SAMSN1: variants seen among roughly 807,000 people sequenced by gnomAD.
The protein encoded by SAMSN1 is SAM domain-containing protein SAMSN-1.
In SAMSN1, 31 loss-of-function variants were observed where a neutral mutation model predicts 42.0. That is an observed-to-expected ratio of 0.74 (90% CI 0.55 to 1.00). The LOEUF is 1.00. Among genes scored for constraint, SAMSN1 ranks in the 50% least tolerant of loss-of-function variants. SAMSN1 has a pLI of 0.00. For synonymous variants in SAMSN1, 178 were observed against 151.9 expected, an observed-to-expected ratio of 1.17 and a Z score of -1.26; for missense variants, 464 against 439.4, an observed-to-expected ratio of 1.06 and a Z score of -0.50.
At chr21:14,503,880 C>T (rs112741771) in intron 5 of SAMSN1, among the ~76,000 whole-genome samples, 3 of 152,134 alleles carry the variant, frequency 2.0e-5, no homozygotes, top group Admixed American at 6.5e-5. Flanking sequence ...ATCTAAATAC[C>T]GTGCTGGCAT....
In SAMSN1 at chr21:14,551,994, G is replaced by A. The variant is rs79861870; in HGVS notation, c.261+30142C>T. 5.3e-5 allele frequency among the ~76,000 whole-genome samples: 8 copies of A among 152,218 alleles called. No homozygotes were observed. The East Asian group carries it at 9.6e-4, about 18-fold the overall frequency. On this transcript the variant is annotated intron_variant, in intron 2 of 8. Coordinates refer to the SAMSN1 transcript ENST00000285670. ...ACTGTTCGGGTCAGGAATGCTAAGG[G>A]CTAGGGGGAGGGTAATGTTGAGTTG...
intron 2 of SAMSN1, among the ~76,000 whole-genome samples, chr21:14,520,652 C>T (rs1347369610): frequency 6.6e-6 from 1 of 152,128 alleles, no homozygotes; most frequent in African/African-American, 2.4e-5. Context: ...AGCTTGAAGG[C>T]TGAAAAACCA....
intron 2 of SAMSN1, among the ~76,000 whole-genome samples, chr21:14,626,590 C>G (rs1983183420): frequency 6.6e-6 from 1 of 152,116 alleles, no homozygotes; most frequent in African/African-American, 2.4e-5. Context: ...CCATCTCACA[C>G]CAGTTAGAAT....
chr21:14,571,263 C>G (rs1817459061), intron 2 of SAMSN1, among the ~76,000 whole-genome samples: 1 of 152,126 alleles, frequency 6.6e-6, no homozygotes, highest in Non-Finnish European at 1.5e-5. Context: ...TGTAAATACT[C>G]AAAACAAATT....
chr21:14,612,438 C>T lies in SAMSN1; in HGVS notation c.235+438G>A. 7.7e-6 allele frequency: 2 copies of T among 261,428 alleles called. 1 individual carries two copies. Among genetic ancestry groups the T allele is most frequent in the South Asian group, 9.6e-5 (2 of 20,808 alleles). The allele number at this position is 261,428 out of a possible 1,614,324, so 16.2% of individuals were successfully genotyped here. Reference sequence around the variant, plus strand: ...ATTGCATGTATTATTACTATGAATGCTATCACAGAAACTAAAGAGAAGATT... The same window carrying T: ...ATTGCATGTATTATTACTATGAATGTTATCACAGAAACTAAAGAGAAGATT... On this transcript the variant is annotated intron_variant, in intron 4 of 15. Coordinates refer to the SAMSN1 transcript ENST00000647101.
intron 1 of SAMSN1, among the ~76,000 whole-genome samples, chr21:14,534,348 A>G (rs1337970554): frequency 6.6e-6 from 1 of 152,158 alleles, no homozygotes; most frequent in Admixed American, 6.5e-5. Flanking sequence ...CTCAACAAAA[A>G]TCCCAGGGAT....
At chr21:14,556,780 C>T (rs917507442) in intron 2 of SAMSN1, among the ~76,000 whole-genome samples, 1 of 152,158 alleles carries the variant, frequency 6.6e-6, no homozygotes, top group African/African-American at 2.4e-5. Context: ...TGATCATTGA[C>T]AGGATTTTAG....
At chr21:14,552,282 A>G (rs1980623674) in intron 2 of SAMSN1, among the ~76,000 whole-genome samples, 1 of 151,946 alleles carries the variant, frequency 6.6e-6, no homozygotes, top group Admixed American at 6.6e-5. Flanking sequence ...TAGAAGCACA[A>G]ATGAGACTTA....
At chr21:14,517,763 A>G (rs1434907887) in intron 2 of SAMSN1, among the ~76,000 whole-genome samples, 1 of 152,188 alleles carries the variant, frequency 6.6e-6, no homozygotes, top group African/African-American at 2.4e-5. Context: ...CACAGCCACA[A>G]GACTCTATAT....
chr21:14,586,262 CAAAA>C (rs67482796), upstream of SAMSN1, among the ~76,000 whole-genome samples: 1 of 50,616 alleles, frequency 2.0e-5, no homozygotes, highest in African/African-American at 8.0e-5. Flanking sequence ...GACTCCATCT[CAAAA>C]AAAAAAAAAA....
chr21:14,594,383 C>T (rs1288900816), intron 6 of SAMSN1, among the ~76,000 whole-genome samples: 2 of 152,098 alleles, frequency 1.3e-5, no homozygotes, highest in Non-Finnish European at 2.9e-5. Context: ...CCTCAGCCCT[C>T]ACATAGAGCA....
At position 14,486,104 on chromosome 21, in the gene SAMSN1, C is replaced by A. The variant is rs552799271; in HGVS notation, c.930G>T (p.Glu310Asp). The A allele has an allele frequency of 5.0e-6, 8 of 1,612,636 alleles. No homozygotes were observed. The African/African-American group carries it at 5.3e-5, about 11-fold the overall frequency. The change falls in exon 8 of 8, where the codon GAG (glutamate) becomes GAT (aspartate). Residue 310 changes from glutamate to aspartate, a missense_variant. By Grantham distance (45) the Glu-to-Asp change is conservative. Transcript: ENST00000400566. ...ATAGGGGCTCAGGTTCATTTTCTTGCTCTTGAATAACTGTAAATGGAAAAA... is the reference window on the plus strand; with the variant it reads ...ATAGGGGCTCAGGTTCATTTTCTTGATCTTGAATAACTGTAAATGGAAAAA... ...ENFLEEEIIQ[E>D]QENEPEPLSL... is the part of the protein sequence containing the mutation.
intron 7 of SAMSN1, among the ~76,000 whole-genome samples, chr21:14,487,685 C>A (rs1486712497): frequency 6.6e-6 from 1 of 152,100 alleles, no homozygotes; most frequent in Non-Finnish European, 1.5e-5. Context: ...CATAACAGTT[C>A]TTTTAACCTT....
At chr21:14,619,498 T>G (rs754706857) in intron 2 of SAMSN1, among the ~76,000 whole-genome samples, 18 of 152,236 alleles carry the variant, frequency 1.2e-4, no homozygotes, top group Non-Finnish European at 2.2e-4. Context: ...CTTAACTAAA[T>G]ACTGGTGGAT....
At chr21:14,612,207 C>G (rs903785959) in intron 4 of SAMSN1, among the ~76,000 whole-genome samples, 5 of 152,074 alleles carry the variant, frequency 3.3e-5, no homozygotes, top group Non-Finnish European at 7.4e-5. Context: ...CATTTCCAGC[C>G]CGGCAACAGA....
chr21:14,569,990 C>CCA (rs1555838014), intron 2 of SAMSN1, among the ~76,000 whole-genome samples: 20 of 151,628 alleles, frequency 1.3e-4, no homozygotes, highest in African/African-American at 4.6e-4. Flanking sequence ...ACTTTCCCCC[C>CCA]CCCCAGTTTT....
intron 2 of SAMSN1, among the ~76,000 whole-genome samples, chr21:14,557,158 A>C (rs1471948322): frequency 6.6e-6 from 1 of 152,178 alleles, no homozygotes; most frequent in Non-Finnish European, 1.5e-5. Context: ...ATCCACGGAG[A>C]ACCTGTGGTG....
intron 5 of SAMSN1, among the ~76,000 whole-genome samples, chr21:14,606,742 G>A (rs1194607366): frequency 3.9e-5 from 6 of 152,114 alleles, no homozygotes; most frequent in African/African-American, 1.4e-4. Flanking sequence ...TAGAACAGAT[G>A]TAGGCTTAGA....
chr21:14,604,988 T>G (rs1290447887), intron 5 of SAMSN1, among the ~76,000 whole-genome samples: 2 of 152,228 alleles, frequency 1.3e-5, no homozygotes, highest in African/African-American at 4.8e-5. Flanking sequence ...TTTGCCACAA[T>G]AGATTATCAG....
Sources: allele counts gnomAD v4.1 joint callset (sites outside exome capture counted in the v4.1 genomes callset), GRCh38; gene constraint gnomAD v4.1.1; transcripts MANE v1.5; gene names NCBI Gene and HGNC (gene_info 2026-07-23, HGNC 2026-07-21).